OTOG: variants seen among roughly 807,000 people sequenced by gnomAD.
The protein encoded by OTOG is otogelin.
In OTOG, 296 loss-of-function variants were observed where a neutral mutation model predicts 313.8. The observed-to-expected ratio is 0.94, with a 90% CI of 0.86 to 1.04. The LOEUF is 1.04. Among genes scored for constraint, OTOG ranks in the 50% least tolerant of loss-of-function variants. OTOG has a pLI of 0.00. For synonymous variants in OTOG, 1,533 were observed against 1,554.9 expected, an observed-to-expected ratio of 0.99 and a Z score of 0.33; for missense variants, 3,948 against 3,840.1, an observed-to-expected ratio of 1.03 and a Z score of -0.74.
chr11:17,638,613 G>C, intron 48 of OTOG, 64 bp downstream of exon 48: 1 of 1,515,486 alleles, frequency 6.6e-7, no homozygotes, highest in Non-Finnish European at 9.0e-7. Flanking sequence ...AGGAGGGATT[G>C]AGGGAGCCCG....
rs1847982314 is a variant in OTOG, at chr11:17,641,930, T to C, written c.8274T>C (p.Asn2758=). ...TGTCCTGTCTCTTCACCTTCCCCAA[T>C]GGCACCACCTCCCTGTTCTTGGTAA... ...RNVSCLFTFP[N]GTTSLFLPGA... is the part of the protein sequence containing the mutation. The change falls in exon 52 of 56, where the codon AAT becomes AAC. Residue 2758 remains asparagine, a synonymous_variant. Coordinates refer to ENST00000399397, the MANE Select transcript of OTOG (RefSeq NM_001292063.2). 2 of 1,550,226 alleles carry C rather than the reference T, an allele frequency of 1.3e-6. No individual in the cohort carries two copies. The highest frequency in any genetic ancestry group is 3.3e-4 in the Middle Eastern group (2 of 5,990).
intron 18 of OTOG, among the ~76,000 whole-genome samples, chr11:17,572,466 A>G (rs575640189): frequency 4.5e-4 from 68 of 152,266 alleles, no homozygotes; most frequent in African/African-American, 1.6e-3. Context: ...AGTCGGCCCC[A>G]TGGCCCCACC....
In OTOG at chr11:17,632,175, A is replaced by G; in HGVS notation, c.7021A>G (p.Met2341Val). The G allele has an allele frequency of 1.3e-6, 2 of 1,551,150 alleles. No homozygotes were observed. Among genetic ancestry groups the G allele is most frequent in the Non-Finnish European group, 8.7e-7 (1 of 1,147,002 alleles). ...CGTGGCCCTGACTGTGTACGTGGCCATGTGCCACAAATTTCATGTGTGCAT... is the reference window on the plus strand; with the variant it reads ...CGTGGCCCTGACTGTGTACGTGGCCGTGTGCCACAAATTTCATGTGTGCAT... The part of the protein sequence containing the change: ...PCVALTVYVA[M>V]CHKFHVCIEW... Residue 2341 changes from methionine (M) to valine (V), a missense_variant, in exon 42 of 56, where the codon ATG (methionine) becomes GTG (valine). By Grantham distance (21) the Met-to-Val change is conservative. Coordinates refer to ENST00000399397, the MANE Select transcript of OTOG (RefSeq NM_001292063.2).
intron 32 of OTOG, among the ~76,000 whole-genome samples, chr11:17,604,204 G>A (rs568186842): frequency 2.0e-4 from 31 of 152,336 alleles, no homozygotes; most frequent in African/African-American, 7.5e-4. Flanking sequence ...GAGGATGGCA[G>A]GCGAAGTCAC....
At position 17,602,153 on chromosome 11, in the gene OTOG, G is replaced by A. The variant is rs1270381500; in HGVS notation, c.3710-57G>A. The A allele has an allele frequency of 3.3e-6, 5 of 1,537,306 alleles. No individual in the cohort carries two copies. In the African/African-American group the frequency reaches 5.5e-5, roughly 17 times the overall value. On this transcript the variant is annotated intron_variant, in intron 31 of 55. Coordinates refer to ENST00000399397, the MANE Select transcript of OTOG (RefSeq NM_001292063.2). ...CTGCTGCCAAGGGGTGGGGCAGGAG[G>A]TATGGGAGGTGGGCAGGCCATGGGG...
intron 15 of OTOG, among the ~76,000 whole-genome samples, chr11:17,563,807 A>G (rs1852243039): frequency 6.7e-6 from 1 of 149,204 alleles, no homozygotes; most frequent in African/African-American, 2.5e-5. Flanking sequence ...CAGCCTCCCA[A>G]GTAGTTGGTA....
At position 17,643,257 on chromosome 11, in the gene OTOG, G is replaced by A. The variant is rs533906245; in HGVS notation, c.8416-204G>A. Among the ~76,000 whole-genome samples, 94 of 152,342 alleles carry A rather than the reference G, an allele frequency of 6.2e-4. No homozygotes were observed. The South Asian group carries it at 0.015, about 24-fold the overall frequency. ...TACCATCTTGACCCAGGCTCCTGCC[G>A]CAAGGGGGCTACGTGCAGCCTTAGT... is the stretch of plus-strand genomic sequence containing the variant. On this transcript the variant is annotated intron_variant, in intron 53 of 55. Transcript: ENST00000399397.
At chr11:17,555,931 A>G (rs1220643815) in intron 7 of OTOG, 34 bp downstream of exon 7, 5 of 1,479,996 alleles carry the variant, frequency 3.4e-6, no homozygotes, top group East Asian at 2.5e-5. Flanking sequence ...GAGCTGTCCT[A>G]TCCCTGACAC....
At chr11:17,612,105 G>A (rs922398516) in intron 36 of OTOG, 57 bp from the exon 37 acceptor site, 3 of 1,536,128 alleles carry the variant, frequency 2.0e-6, no homozygotes, top group Non-Finnish European at 2.6e-6. Flanking sequence ...ATCACAGCTT[G>A]CAGGGTGGGC....
At chr11:17,609,269 C>A in intron 35 of OTOG, 60 bp downstream of exon 35, 2 of 1,458,264 alleles carry the variant, frequency 1.4e-6, no homozygotes, top group Non-Finnish European at 1.9e-6. Flanking sequence ...TAGGGTCTCA[C>A]TGAGCAGTCA....
chr11:17,607,293 C>T (rs915542452), intron 33 of OTOG, among the ~76,000 whole-genome samples: 50 of 152,210 alleles, frequency 3.3e-4, no homozygotes, highest in African/African-American at 1.2e-3. Context: ...CTCCCTGGAG[C>T]CTGCTTCGGA....
In OTOG at chr11:17,612,256, C is replaced by T. The variant is rs887113775; in HGVS notation, c.6218C>T (p.Pro2073Leu). 10 of 1,547,010 alleles carry T rather than the reference C, an allele frequency of 6.5e-6. No homozygotes were observed. Among genetic ancestry groups the T allele is most frequent in the African/African-American group, 2.7e-5 (2 of 73,150 alleles). ...CAGCACTGTCCCCAGGGTGCTGCTCCCCCTCGCTGTGGGATCCTGGGCCTC... is the reference window on the plus strand; with the variant it reads ...CAGCACTGTCCCCAGGGTGCTGCTCTCCCTCGCTGTGGGATCCTGGGCCTC... ...QSQHCPQGAA[P>L]PRCGILGLAV... is the part of the protein sequence containing the mutation. The change falls in exon 37 of 56, where the codon CCC becomes CTC. Residue 2073 changes from proline (P) to leucine (L), a missense_variant. Physicochemically the swap from Pro to Leu is moderately conservative, Grantham distance 98. Coordinates refer to ENST00000399397, the MANE Select transcript of OTOG (RefSeq NM_001292063.2).
intron 32 of OTOG, among the ~76,000 whole-genome samples, chr11:17,603,273 C>G (rs950669089): frequency 3.3e-5 from 5 of 152,140 alleles, no homozygotes; most frequent in Non-Finnish European, 2.9e-5. Flanking sequence ...AGCACCACCC[C>G]CAAAGACAGC....
At position 17,547,423 on chromosome 11, in the gene OTOG, C is replaced by G. The variant is rs1028344608; in HGVS notation, c.51C>G (p.Pro17=). 2.8e-6 allele frequency: 4 copies of G among 1,410,536 alleles called. No individual in the cohort carries two copies. The African/African-American group carries it at 6.0e-5, about 21-fold the overall frequency. 87.4% of individuals were successfully genotyped at this position (1,410,536 alleles called of 1,614,324 possible). A position where few individuals can be genotyped will look rare whatever the true frequency, so the allele number is the denominator to read the frequency against. The change falls in exon 1 of 56, where the codon CCC becomes CCG. Residue 17 remains proline (P), a synonymous_variant. Transcript: ENST00000399397. ...GCTGGCTGCTTTGTGTCTGGCTGCC[C>G]TGGGGTGAGCAGGCAGCCGAGTCCC... ...ALCWLLCVWL[P]WGEQAAESLR... is the part of the protein sequence containing the mutation.
At chr11:17,593,822 G>A in intron 27 of OTOG, 66 bp downstream of exon 27, 1 of 1,526,486 alleles carries the variant, frequency 6.6e-7, no homozygotes, top group African/African-American at 1.4e-5. Flanking sequence ...GTGTCCTTGG[G>A]TGAGCTGTAC....
In OTOG at chr11:17,578,357, T is replaced by A. The variant is rs1852585714; in HGVS notation, c.2606-16T>A. On this transcript the variant is annotated splice_polypyrimidine_tract_variant and intron_variant, in intron 22 of 55. Transcript: ENST00000399397. ...TGAGGCCCCAGGGCCTCCGCTCCCA[T>A]CTTCTTCTCTTCCAGCTGCTGCCTG... The A allele has an allele frequency of 6.7e-7, 1 of 1,487,304 alleles. No homozygotes were observed. Among genetic ancestry groups the A allele is most frequent in the Admixed American group, 2.2e-5 (1 of 45,472 alleles). The allele number at this position is 1,487,304 out of a possible 1,614,324, so 92.1% of individuals were successfully genotyped here. A position where few individuals can be genotyped will look rare whatever the true frequency, so the allele number is the denominator to read the frequency against.
Position 17,610,369 on chromosome 11 carries a change from C to A in OTOG, c.5069C>A (p.Ala1690Asp). The A allele has an allele frequency of 6.4e-7, 1 of 1,550,672 alleles. No individual in the cohort carries two copies. Among genetic ancestry groups the A allele is most frequent in the Non-Finnish European group, 8.7e-7 (1 of 1,146,978 alleles). Reference sequence around the variant, plus strand: ...CCCCAGCCCACCCAGGCCCAGAGTGCTTCAAGTCCCAGCACCCCTCTAACT... The same window carrying A: ...CCCCAGCCCACCCAGGCCCAGAGTGATTCAAGTCCCAGCACCCCTCTAACT... ...GVPQPTQAQS[A>D]SSPSTPLTVA... The change falls in exon 36 of 56, where the codon GCT (alanine) becomes GAT (aspartate). Residue 1690 changes from alanine (A) to aspartate (D), a missense_variant. Ala to Asp is a moderately radical substitution (Grantham distance 126). Coordinates refer to ENST00000399397, the MANE Select transcript of OTOG (RefSeq NM_001292063.2).
chr11:17,602,489 C>T (rs757656763), intron 32 of OTOG, 112 bp downstream of exon 32: 17 of 1,193,910 alleles, frequency 1.4e-5, no homozygotes, highest in Admixed American at 2.7e-5. Flanking sequence ...ATAGGGGCTC[C>T]GACAAGTGCC....
At chr11:17,620,558 A>G (rs74640221) in intron 39 of OTOG, among the ~76,000 whole-genome samples, 2 of 152,160 alleles carry the variant, frequency 1.3e-5, no homozygotes, top group African/African-American at 2.4e-5. Context: ...AAGTTCCACT[A>G]TCTTTTATCT....
Sources: allele counts gnomAD v4.1 joint callset (sites outside exome capture counted in the v4.1 genomes callset), GRCh38; gene constraint gnomAD v4.1.1; transcripts MANE v1.5; gene names NCBI Gene and HGNC (gene_info 2026-07-23, HGNC 2026-07-21).